The following TNRC6B variants were observed in gnomAD, a reference collection of about 807,000 sequenced individuals.
TNRC6B encodes trinucleotide repeat containing adaptor 6B.
Under a neutral mutation model 203.6 loss-of-function variants are expected in TNRC6B, and 52 were observed. That is an observed-to-expected ratio of 0.26 (90% CI 0.20 to 0.32). The LOEUF (loss-of-function observed/expected upper bound fraction) is 0.32. Among genes scored for constraint, TNRC6B ranks in the 10% least tolerant of loss-of-function variants. The pLI, the probability that TNRC6B is intolerant of heterozygous loss-of-function variation, is 1.00. For synonymous variants in TNRC6B, 838 were observed against 845.7 expected, an observed-to-expected ratio of 0.99 and a Z score of 0.16; for missense variants, 1,923 against 2,286.2, an observed-to-expected ratio of 0.84 and a Z score of 3.24.
chr22:40,279,322 A>T (rs2070693965), intron 9 of TNRC6B, among the ~76,000 whole-genome samples: 1 of 152,230 alleles, frequency 6.6e-6, no homozygotes, highest in Admixed American at 6.5e-5. Context: ...GTAGTCTTTG[A>T]TCTATGATAT....
intron 1 of TNRC6B, among the ~76,000 whole-genome samples, chr22:40,228,741 G>C (rs564780855): frequency 6.6e-6 from 1 of 151,742 alleles, no homozygotes; most frequent in South Asian, 2.1e-4. Context: ...AGCCAGGATG[G>C]TCTCGATCTC....
intron 2 of TNRC6B, among the ~76,000 whole-genome samples, chr22:40,122,050 C>G (rs534986821): frequency 6.6e-6 from 1 of 152,314 alleles, no homozygotes; most frequent in East Asian, 1.9e-4. Flanking sequence ...GTATTTTACT[C>G]CCTTGAATTT....
At position 40,063,008 on chromosome 22, in the gene TNRC6B, T is replaced by C. The variant is rs2067867016; in HGVS notation, c.-121+18010T>C. On this transcript the variant is annotated intron_variant, in intron 1 of 23. Transcript: ENST00000301923. ...TATGTAGACTTTGCTTAACCTAAGG[T>C]CACAATGATCTAATTCTATATTTTC... 5.3e-5 allele frequency among the ~76,000 whole-genome samples: 8 copies of C among 152,264 alleles called. No homozygotes were observed. The South Asian group carries it at 1.7e-3, about 32-fold the overall frequency.
chr22:40,085,848 CTGT>C (rs3044441), intron 1 of TNRC6B, among the ~76,000 whole-genome samples: 44,881 of 149,082 alleles, frequency 0.3, 8,721 homozygotes, highest in African/African-American at 0.56. Context: ...TTTGTTGTTG[CTGT>C]TGTTGTTGTT....
At chr22:40,234,235 A>G (rs980272746) in intron 1 of TNRC6B, among the ~76,000 whole-genome samples, 10 of 152,226 alleles carry the variant, frequency 6.6e-5, no homozygotes, top group African/African-American at 2.4e-4. Context: ...GCAGCGAACC[A>G]TGATCACACC....
At chr22:40,117,956 C>T (rs2068405940) in intron 2 of TNRC6B, among the ~76,000 whole-genome samples, 1 of 152,070 alleles carries the variant, frequency 6.6e-6, no homozygotes, top group Non-Finnish European at 1.5e-5. Flanking sequence ...CTAAAAGAGG[C>T]CCCCACAAGC....
At chr22:40,201,271 T>C (rs1454692385) in intron 1 of TNRC6B, among the ~76,000 whole-genome samples, 1 of 152,100 alleles carries the variant, frequency 6.6e-6, no homozygotes, top group African/African-American at 2.4e-5. Context: ...TGTGAAAAAC[T>C]AGATGGAGAA....
chr22:40,270,139 C>T lies in TNRC6B; in HGVS notation c.2824C>T (p.Pro942Ser). 1 of 1,587,030 alleles carries T rather than the reference C, an allele frequency of 6.3e-7. No individual in the cohort carries two copies. Among genetic ancestry groups the T allele is most frequent in the Admixed American group, 1.8e-5 (1 of 55,784 alleles). Residue 942 changes from proline (P) to serine (S), a missense_variant, in exon 6 of 23, where the codon CCA becomes TCA. Pro to Ser is a moderately conservative substitution (Grantham distance 74). This residue lies in a region of TNRC6B where 599 missense variants were observed against 656.5 expected (regional missense o/e 0.91). Transcript: ENST00000454349. The part of the protein sequence containing the change: ...KSASVWSKST[P>S]PAPDNGTSAW... The stretch of plus-strand genomic sequence containing the variant: ...CTTTATAGTCTGGAGCAAAAGCACA[C>T]CACCTGCTCCAGATAATGGTACTTC...
At chr22:40,299,052 A>G (rs1601502729) in intron 12 of TNRC6B, among the ~76,000 whole-genome samples, 1 of 149,516 alleles carries the variant, frequency 6.7e-6, no homozygotes, top group Non-Finnish European at 1.5e-5. Flanking sequence ...GCTTGAGCCC[A>G]GGAGTTTGAG....
Position 40,126,580 on chromosome 22 carries a change from A to ATTTTT in TNRC6B, c.45+743_45+747dup, listed in dbSNP as rs955369459. ...CTGTTGCTACAAAGGACGTTATTTA[A>ATTTTT]TTTTTTTTTTTTTTTTTTTTTTTTT... is the stretch of plus-strand genomic sequence containing the variant. On this transcript the variant is annotated intron_variant, in intron 3 of 23. Transcript: ENST00000301923. Among the ~76,000 whole-genome samples the ATTTTT allele has an allele frequency of 5.0e-4, 44 of 88,766 alleles. 3 individuals are homozygous for ATTTTT. The highest frequency in any genetic ancestry group is 2.5e-3 in the East Asian group (8 of 3,256). 58.2% of individuals were successfully genotyped at this position (88,766 alleles called of 152,430 possible). A position where few individuals can be genotyped will look rare whatever the true frequency, so the allele number is the denominator to read the frequency against.
At chr22:40,065,796 G>C (rs1275771706) in intron 1 of TNRC6B, among the ~76,000 whole-genome samples, 1 of 152,106 alleles carries the variant, frequency 6.6e-6, no homozygotes. Context: ...TGAAGCAACT[G>C]AATCTTCTGA....
intron 1 of TNRC6B, among the ~76,000 whole-genome samples, chr22:40,212,237 G>A (rs1223711638): frequency 6.6e-6 from 1 of 152,160 alleles, no homozygotes; most frequent in Non-Finnish European, 1.5e-5. Context: ...AAGATCACAG[G>A]CCCTAGGGAA....
chr22:40,106,996 C>T, intron 1 of TNRC6B: 1 of 1,185,204 alleles, frequency 8.4e-7, no homozygotes, highest in South Asian at 1.2e-5. Flanking sequence ...CTGCAAAATT[C>T]CTTCACTTTT....
At chr22:40,169,079 TA>T (rs1441883037) in intron 4 of TNRC6B, among the ~76,000 whole-genome samples, 1 of 151,736 alleles carries the variant, frequency 6.6e-6, no homozygotes, top group Non-Finnish European at 1.5e-5. Flanking sequence ...GTGCAACAAA[TA>T]ATGGTTGTTG....
intron 6 of TNRC6B, among the ~76,000 whole-genome samples, chr22:40,271,061 T>G (rs1206899758): frequency 6.6e-6 from 1 of 152,206 alleles, no homozygotes; most frequent in African/African-American, 2.4e-5. Context: ...GGCATAAATT[T>G]CACTTCAATT....
At chr22:40,172,274 T>C (rs2069008161) in intron 4 of TNRC6B, among the ~76,000 whole-genome samples, 1 of 152,346 alleles carries the variant, frequency 6.6e-6, no homozygotes, top group Middle Eastern at 3.4e-3. Flanking sequence ...AGTTATTCTA[T>C]ATCCTGTCAA....
rs781173053 is a variant in TNRC6B, at chr22:40,251,170, A to G, written c.94-9A>G. The G allele has an allele frequency of 3.3e-6, 5 of 1,534,492 alleles. No individual in the cohort carries two copies. The highest frequency in any genetic ancestry group is 4.4e-6 in the Non-Finnish European group (5 of 1,137,420). On this transcript the variant is annotated splice_polypyrimidine_tract_variant and intron_variant, in intron 2 of 22. Transcript: ENST00000454349. ...AAATCTCATTTACTTTTATCTGTTT[A>G]TTTTGCAGGTCACGGAACAAAAAAC...
intron 8 of TNRC6B, among the ~76,000 whole-genome samples, chr22:40,277,665 T>C (rs1231771349): frequency 2.6e-5 from 4 of 152,196 alleles, no homozygotes; most frequent in Admixed American, 6.5e-5. Context: ...GAGAAGAAGT[T>C]GTCATTATTT....
chr22:40,253,332 C>T (rs1401606704), intron 3 of TNRC6B, among the ~76,000 whole-genome samples: 7 of 151,174 alleles, frequency 4.6e-5, no homozygotes, highest in East Asian at 1.9e-4. Context: ...CCTCGTGATC[C>T]GCCTGCCTCG....
Sources: allele counts gnomAD v4.1 joint callset (sites outside exome capture counted in the v4.1 genomes callset), GRCh38; gene constraint gnomAD v4.1.1; regional missense constraint gnomAD v4.1.1; transcripts MANE v1.5; gene names NCBI Gene and HGNC (gene_info 2026-07-23, HGNC 2026-07-21).